Variants in KLF7 observed in about 807,000 individuals in gnomAD.
KLF7 encodes Krueppel-like factor 7.
KLF7 carries 2 observed loss-of-function variants against 27.3 expected under a neutral mutation model. The observed-to-expected ratio is 0.07, with a 90% CI of 0.03 to 0.23. The LOEUF is 0.23. Ranked by LOEUF, KLF7 falls within the 10% of genes least tolerant of loss-of-function variation. The probability of loss-of-function intolerance (pLI) is 1.00; values close to 1 mark genes in which losing one functional copy is unlikely to be tolerated. For synonymous variants in KLF7, 165 were observed against 162.4 expected, an observed-to-expected ratio of 1.02 and a Z score of -0.12; for missense variants, 221 against 394.1, an observed-to-expected ratio of 0.56 and a Z score of 3.72.
chr2:207,112,281 C>A (rs1271015774), intron 2 of KLF7, among the ~76,000 whole-genome samples: 1 of 151,936 alleles, frequency 6.6e-6, no homozygotes, highest in Non-Finnish European at 1.5e-5. Context: ...GCAATTTGAG[C>A]ACTACTAACG....
In KLF7 at chr2:207,079,687, G is replaced by A. The variant is rs1421720958; in HGVS notation, c.*1526C>T. On this transcript the variant is annotated 3_prime_UTR_variant, in exon 4 of 4. Coordinates refer to ENST00000309446, the MANE Select transcript of KLF7 (RefSeq NM_003709.4). Reference sequence around the variant, plus strand: ...TAGACTCCTTTGGAGTCAGCTTGCAGAGTAAATGTGAGGCCTCTGTTAATC... The same window carrying A: ...TAGACTCCTTTGGAGTCAGCTTGCAAAGTAAATGTGAGGCCTCTGTTAATC... The A allele has an allele frequency of 6.6e-6, 1 of 152,100 alleles. No individual in the cohort carries two copies. Among genetic ancestry groups the A allele is most frequent in the Non-Finnish European group, 1.5e-5 (1 of 68,048 alleles). 9.4% of individuals were successfully genotyped at this position (152,100 alleles called of 1,614,324 possible). A position where few individuals can be genotyped will look rare whatever the true frequency, so the allele number is the denominator to read the frequency against.
intron 2 of KLF7, among the ~76,000 whole-genome samples, chr2:207,099,598 A>T (rs1251638099): frequency 2.6e-5 from 3 of 113,416 alleles, no homozygotes; most frequent in Non-Finnish European, 6.0e-5. Context: ...CAATGGTATT[A>T]AAAAAAAAAC....
rs538141124 is a variant in KLF7 at position 207,132,778 on chromosome 2, C to A, written c.103-8374G>T. On this transcript the variant is annotated intron_variant, in intron 1 of 3. Coordinates refer to ENST00000309446, the MANE Select transcript of KLF7 (RefSeq NM_003709.4). ...TGGTAGCTATGGCCCAGGCCTCACA[C>A]CGCTTGAAGGAAGGCACTGGGTTCC... is the stretch of plus-strand genomic sequence containing the variant. 3.4e-4 allele frequency among the ~76,000 whole-genome samples: 52 copies of A among 152,352 alleles called. No individual in the cohort carries two copies. In the South Asian group the frequency reaches 9.9e-3, roughly 29 times the overall value.
chr2:207,159,573 T>G (rs1470286778), intron 1 of KLF7, among the ~76,000 whole-genome samples: 1 of 152,210 alleles, frequency 6.6e-6, no homozygotes, highest in Non-Finnish European at 1.5e-5. Context: ...TACAGTATTA[T>G]GCACATAAAA....
chr2:207,171,705 T>C (rs189559665), upstream of KLF7, among the ~76,000 whole-genome samples: 4 of 152,336 alleles, frequency 2.6e-5, no homozygotes, highest in Admixed American at 2.6e-4. Context: ...TAGCAAAATA[T>C]TTTAAAATTA....
At chr2:207,097,318 C>T (rs2076655318) in intron 2 of KLF7, among the ~76,000 whole-genome samples, 1 of 151,474 alleles carries the variant, frequency 6.6e-6, no homozygotes, top group Admixed American at 6.6e-5. Context: ...GAACCTAGTA[C>T]CTGAAAGTGA....
chr2:207,091,939 A>T (rs1388651245), intron 2 of KLF7, among the ~76,000 whole-genome samples: 1 of 152,204 alleles, frequency 6.6e-6, no homozygotes, highest in Non-Finnish European at 1.5e-5. Flanking sequence ...TGCTCATTTC[A>T]TCAAAGGCTG....
chr2:207,081,536 T>C (rs189925460), intron 3 of KLF7, among the ~76,000 whole-genome samples: 1 of 152,296 alleles, frequency 6.6e-6, no homozygotes, highest in East Asian at 1.9e-4. Context: ...ATTTACCTCA[T>C]AGGTGGGTTG....
At chr2:207,088,853 A>C (rs971308070) in intron 2 of KLF7, among the ~76,000 whole-genome samples, 10 of 152,116 alleles carry the variant, frequency 6.6e-5, no homozygotes, top group Non-Finnish European at 1.3e-4. Flanking sequence ...CCAGAGTCAG[A>C]GCATTTCCTC....
intron 2 of KLF7, among the ~76,000 whole-genome samples, chr2:207,113,315 A>G (rs760187014): frequency 6.6e-6 from 1 of 152,164 alleles, no homozygotes; most frequent in Non-Finnish European, 1.5e-5. Context: ...CCTTTAAACT[A>G]TATTTATAAA....
chr2:207,152,176 C>G (rs1363637760), intron 1 of KLF7, among the ~76,000 whole-genome samples: 1 of 152,016 alleles, frequency 6.6e-6, no homozygotes, highest in African/African-American at 2.4e-5. Flanking sequence ...AATCCACTTC[C>G]ACAAAAAAAT....
intron 1 of KLF7, among the ~76,000 whole-genome samples, chr2:207,129,025 G>A (rs2077553064): frequency 6.6e-6 from 1 of 152,204 alleles, no homozygotes; most frequent in Admixed American, 6.5e-5. Flanking sequence ...AACTATGGTT[G>A]CGTAACATTA....
At chr2:207,169,919 A>G (rs565914634), upstream of KLF7, among the ~76,000 whole-genome samples, 6 of 152,244 alleles carry the variant, frequency 3.9e-5, no homozygotes, top group African/African-American at 1.4e-4. Flanking sequence ...CTATTCGTTA[A>G]GACACAACAA....
At chr2:207,159,250 T>C (rs1220528095) in intron 1 of KLF7, among the ~76,000 whole-genome samples, 1 of 152,240 alleles carries the variant, frequency 6.6e-6, no homozygotes, top group Non-Finnish European at 1.5e-5. Context: ...TGGATATGTG[T>C]ATTCACATTG....
At chr2:207,167,286 ATTGT>A (rs2078743599), upstream of KLF7, 2 of 638,938 alleles carry the variant, frequency 3.1e-6, no homozygotes, top group Middle Eastern at 2.8e-4. Flanking sequence ...GGGTTGGCCA[ATTGT>A]TTGCTTGACC....
chr2:207,104,323 T>C (rs551725623), intron 2 of KLF7, among the ~76,000 whole-genome samples: 2 of 152,342 alleles, frequency 1.3e-5, no homozygotes, highest in South Asian at 2.1e-4. Flanking sequence ...TAGATACACA[T>C]ATAGCAGAAA....
chr2:207,129,900 T>C (rs1291060989), intron 1 of KLF7, among the ~76,000 whole-genome samples: 1 of 152,222 alleles, frequency 6.6e-6, no homozygotes, highest in Non-Finnish European at 1.5e-5. Context: ...AATTCAAGTT[T>C]TGTGGCACAT....
chr2:207,118,448 T>C (rs1227028184), intron 2 of KLF7, among the ~76,000 whole-genome samples: 1 of 152,242 alleles, frequency 6.6e-6, no homozygotes, highest in East Asian at 1.9e-4. Flanking sequence ...TATTTAGTTT[T>C]CATCGTCCAT....
chr2:207,154,442 C>A (rs1439005702), intron 1 of KLF7, among the ~76,000 whole-genome samples: 1 of 152,150 alleles, frequency 6.6e-6, no homozygotes, highest in African/African-American at 2.4e-5. Context: ...GCCCAGTTTC[C>A]GGGCACAAAG....
Sources: gnomAD v4.1 joint callset for allele counts (sites outside exome capture counted in the v4.1 genomes callset) on GRCh38, gnomAD v4.1.1 for gene constraint, MANE v1.5 for transcripts, NCBI Gene and HGNC (gene_info 2026-07-23, HGNC 2026-07-21) for gene names.